The following BTBD9 variants were observed in gnomAD, a reference collection of about 807,000 sequenced individuals.
BTBD9 encodes the protein BTB/POZ domain-containing protein 9.
In BTBD9, 49 loss-of-function variants were observed where a neutral mutation model predicts 64.3. The observed-to-expected ratio is 0.76, with a 90% CI of 0.61 to 0.97. The LOEUF (loss-of-function observed/expected upper bound fraction) is 0.97, where lower values mean the gene tolerates loss of function less well. Among genes scored for constraint, BTBD9 ranks in the 50% least tolerant of loss-of-function variants. BTBD9 has a pLI of 0.00. For missense variants in BTBD9, 598 were observed against 762.1 expected, an observed-to-expected ratio of 0.78 and a Z score of 2.53; for synonymous variants, 260 against 274.7, an observed-to-expected ratio of 0.95 and a Z score of 0.53.
chr6:38,356,179 G>A (rs905814746), intron 6 of BTBD9, among the ~76,000 whole-genome samples: 5 of 152,064 alleles, frequency 3.3e-5, no homozygotes, highest in African/African-American at 1.2e-4. Flanking sequence ...TGACAATGAT[G>A]ACGTGACTTG....
rs115232014 is a variant in BTBD9 at position 38,363,749 on chromosome 6, A to C, written c.1155-18656T>G. ...GAAAATAAAATGGTTTGAGAGGCAT[A>C]TTACTGGGAGTAATGGGAAGAAATT... On this transcript the variant is annotated intron_variant, in intron 6 of 10. Coordinates refer to ENST00000481247, the MANE Select transcript of BTBD9 (RefSeq NM_001099272.2). 6.6e-3 allele frequency among the ~76,000 whole-genome samples: 1,001 copies of C among 152,322 alleles called. 12 individuals are homozygous for C. Among genetic ancestry groups the C allele is most frequent in the African/African-American group, 0.023 (969 of 41,568 alleles).
chr6:38,363,758 A>C (rs1457595812), intron 6 of BTBD9, among the ~76,000 whole-genome samples: 2 of 152,240 alleles, frequency 1.3e-5, no homozygotes, highest in African/African-American at 4.8e-5. Context: ...TATTACTGGG[A>C]GTAATGGGAA....
At chr6:38,186,882 G>GAA (rs1399193764) in intron 10 of BTBD9, among the ~76,000 whole-genome samples, 2 of 152,030 alleles carry the variant, frequency 1.3e-5, no homozygotes, top group Non-Finnish European at 2.9e-5. Flanking sequence ...GACTGCTTGT[G>GAA]GGCCCCTGAG....
intron 7 of BTBD9, among the ~76,000 whole-genome samples, chr6:38,338,110 C>T (rs1456362941): frequency 6.6e-6 from 1 of 152,168 alleles, no homozygotes; most frequent in Non-Finnish European, 1.5e-5. Flanking sequence ...GTAGTCCCCC[C>T]TTATCTGCAG....
intron 7 of BTBD9, among the ~76,000 whole-genome samples, chr6:38,308,519 A>G (rs1762708914): frequency 6.6e-6 from 1 of 152,252 alleles, no homozygotes; most frequent in Admixed American, 6.5e-5. Flanking sequence ...TAGTATCATA[A>G]GTTTCACATG....
chr6:38,356,612 A>T (rs532202386), intron 6 of BTBD9, among the ~76,000 whole-genome samples: 3 of 152,270 alleles, frequency 2.0e-5, no homozygotes, highest in Admixed American at 6.5e-5. Flanking sequence ...ATATCCTTAT[A>T]CAGGTTCCCT....
rs550286434 is a variant in BTBD9, at chr6:38,335,731, AATTT to A, written c.1264+9249_1264+9252del. Among the ~76,000 whole-genome samples the A allele has an allele frequency of 4.0e-5, 6 of 150,616 alleles. No individual in the cohort carries two copies. In the East Asian group the frequency reaches 7.8e-4, roughly 20 times the overall value. The stretch of plus-strand genomic sequence containing the variant: ...CAGGCGTGCGCCACCATGCCCAGCT[AATTT>A]ATTTATTTATTTTTTTGAGATGGAG... On this transcript the variant is annotated intron_variant, in intron 7 of 10. Coordinates refer to ENST00000481247, the MANE Select transcript of BTBD9 (RefSeq NM_001099272.2).
At chr6:38,581,135 T>C (rs1040085648) in intron 4 of BTBD9, among the ~76,000 whole-genome samples, 2 of 152,214 alleles carry the variant, frequency 1.3e-5, no homozygotes, top group Non-Finnish European at 2.9e-5. Flanking sequence ...GAGGATGCGA[T>C]GAGCTGAGAT....
chr6:38,369,949 CAGAG>C (rs1406522538), intron 6 of BTBD9, among the ~76,000 whole-genome samples: 1 of 152,070 alleles, frequency 6.6e-6, no homozygotes, highest in African/African-American at 2.4e-5. Flanking sequence ...ACAGTAATGA[CAGAG>C]AGGAGACTAC....
intron 6 of BTBD9, among the ~76,000 whole-genome samples, chr6:38,345,782 A>G (rs1245404141): frequency 6.6e-6 from 1 of 152,238 alleles, no homozygotes; most frequent in African/African-American, 2.4e-5. Flanking sequence ...CACACAGTGC[A>G]GAGTTTCACT....
intron 9 of BTBD9, among the ~76,000 whole-genome samples, chr6:38,207,627 T>C (rs1315363693): frequency 1.3e-5 from 2 of 148,910 alleles, no homozygotes; most frequent in Non-Finnish European, 3.0e-5. Flanking sequence ...GTCTCAAAAA[T>C]AAACAAACAA....
At chr6:38,459,671 T>C (rs1203388130) in intron 6 of BTBD9, among the ~76,000 whole-genome samples, 6 of 152,196 alleles carry the variant, frequency 3.9e-5, no homozygotes, top group Admixed American at 2.0e-4. Flanking sequence ...GCTAAGTTAC[T>C]GAGATTTTGT....
intron 4 of BTBD9, among the ~76,000 whole-genome samples, chr6:38,582,309 T>A (rs1776326685): frequency 6.6e-6 from 1 of 152,252 alleles, no homozygotes; most frequent in African/African-American, 2.4e-5. Flanking sequence ...ACAAATCTTC[T>A]ATAATACATG....
At chr6:38,219,755 C>T (rs1184248409) in intron 9 of BTBD9, among the ~76,000 whole-genome samples, 1 of 152,122 alleles carries the variant, frequency 6.6e-6, no homozygotes, top group African/African-American at 2.4e-5. Context: ...ATATAAGCCA[C>T]CAATAAACAT....
chr6:38,335,040 A>C (rs1349017044), intron 7 of BTBD9, among the ~76,000 whole-genome samples: 1 of 151,892 alleles, frequency 6.6e-6, no homozygotes, highest in Non-Finnish European at 1.5e-5. Context: ...AGTTCTCCTG[A>C]TATCTGATGG....
chr6:38,563,224 A>G (rs1775329041), intron 6 of BTBD9, among the ~76,000 whole-genome samples: 1 of 152,144 alleles, frequency 6.6e-6, no homozygotes, highest in Non-Finnish European at 1.5e-5. Context: ...ATTGGCTCCT[A>G]TGGTTTCAAA....
At chr6:38,616,418 T>C (rs755535422) in intron 1 of BTBD9, among the ~76,000 whole-genome samples, 1 of 152,182 alleles carries the variant, frequency 6.6e-6, no homozygotes, top group East Asian at 1.9e-4. Context: ...CGCCCTACTA[T>C]TCTGAAATAA....
intron 4 of BTBD9, chr6:38,588,527 T>A: frequency 1.3e-6 from 1 of 799,438 alleles, no homozygotes; most frequent in Non-Finnish European, 1.9e-6. Flanking sequence ...TGGTTATCGA[T>A]AACGAGGCTT....
chr6:38,181,383 G>A (rs942565197), intron 10 of BTBD9, among the ~76,000 whole-genome samples: 1 of 152,142 alleles, frequency 6.6e-6, no homozygotes, highest in Non-Finnish European at 1.5e-5. Flanking sequence ...CTTGATGTCT[G>A]TCCATAAGTC....
Sources: gnomAD v4.1 joint callset for allele counts (sites outside exome capture counted in the v4.1 genomes callset) on GRCh38, gnomAD v4.1.1 for gene constraint, MANE v1.5 for transcripts, NCBI Gene and HGNC (gene_info 2026-07-23, HGNC 2026-07-21) for gene names.